Variants in CASZ1 observed in about 807,000 individuals in gnomAD.
CASZ1 encodes the protein castor zinc finger 1, also known as zinc finger protein castor homolog 1.
A neutral mutation model predicts 135.2 loss-of-function variants in CASZ1; 28 were observed. The ratio of observed to expected loss-of-function variants is 0.21; its 90% CI spans 0.15 to 0.28. CASZ1 has a LOEUF of 0.28. CASZ1 is among the 10% of genes least tolerant of loss of function. The pLI is 1.00. For synonymous variants in CASZ1, 1,068 were observed against 1,073.4 expected, an observed-to-expected ratio of 0.99 and a Z score of 0.10; for missense variants, 2,161 against 2,453.3, an observed-to-expected ratio of 0.88 and a Z score of 2.52.
chr1:10,709,563 A>G lies in CASZ1; in HGVS notation c.-76-4019T>C, dbSNP rs879328485. ...TTTCTGCCTCAAATTTGATTGATTAAAAAACTTTTTAGGAAAAGCATGTTA... is the reference window on the plus strand; with the variant it reads ...TTTCTGCCTCAAATTTGATTGATTAGAAAACTTTTTAGGAAAAGCATGTTA... On this transcript the variant is annotated intron_variant, in intron 2 of 20. Transcript: ENST00000377022. The surrounding 1 kb of genome is among the most constrained non-coding windows in gnomAD (Gnocchi z 5.1). Among the ~76,000 whole-genome samples the G allele has an allele frequency of 5.9e-5, 9 of 152,348 alleles. No homozygotes were observed. Among genetic ancestry groups the G allele is most frequent in the Non-Finnish European group, 1.3e-4 (9 of 68,022 alleles).
intron 2 of CASZ1, among the ~76,000 whole-genome samples, chr1:10,744,400 C>CAGTCCCA (rs1640000059): frequency 8.0e-6 from 1 of 125,300 alleles, no homozygotes; most frequent in Non-Finnish European, 1.7e-5. Context: ...CTGGGCACCA[C>CAGTCCCA]GAGCAGGCAT....
Position 10,786,449 on chromosome 1 carries a change from C to T in CASZ1, c.-234+10115G>A, listed in dbSNP as rs187622302. Among the ~76,000 whole-genome samples, 1,076 of 152,178 alleles carry T rather than the reference C, an allele frequency of 7.1e-3. 7 individuals carry two copies. Among genetic ancestry groups the T allele is most frequent in the Non-Finnish European group, 0.012 (815 of 67,972 alleles). ...GCACCACGTCACCCTGCACTAGGGG[C>T]CCAGCTCCAGACAGACAGAGAGCAA... On this transcript the variant is annotated intron_variant, in intron 1 of 20. Transcript: ENST00000377022.
chr1:10,642,786 C>T, intron 20 of CASZ1, 73 bp downstream of exon 20: 1 of 1,545,534 alleles, frequency 6.5e-7, no homozygotes, highest in Non-Finnish European at 8.8e-7. Flanking sequence ...CCTTCTGTCC[C>T]AAGCTGCACC....
At chr1:10,648,920 G>T (rs974871624) in intron 15 of CASZ1, 150 bp downstream of exon 15, 2 of 1,088,830 alleles carry the variant, frequency 1.8e-6, no homozygotes, top group African/African-American at 3.1e-5. Context: ...AGGATGGGAA[G>T]CCCACCCTTG....
intron 5 of CASZ1, 120 bp downstream of exon 5, chr1:10,664,963 T>C: frequency 8.5e-7 from 1 of 1,179,066 alleles, no homozygotes; most frequent in Middle Eastern, 3.0e-4. Flanking sequence ...CTGGGTGGGA[T>C]GAGGGGCCGG....
Position 10,647,365 on chromosome 1 carries a change from CTGGAGGGGCCTG to C in CASZ1, c.3497+424_3497+435del, listed in dbSNP as rs1642392118. The C allele has an allele frequency of 8.6e-6, 9 of 1,052,566 alleles. No homozygotes were observed. The South Asian group carries it at 2.9e-4, about 34-fold the overall frequency. 65.2% of individuals were successfully genotyped at this position (1,052,566 alleles called of 1,614,324 possible). ...GACCACTGTGCAGGCCAGTGACGGC[CTGGAGGGGCCTG>C]GCCCCTACCCGTGACTTCACGTGCC... is the stretch of plus-strand genomic sequence containing the variant. On this transcript the variant is annotated intron_variant, in intron 16 of 20. Transcript: ENST00000377022. The surrounding 1 kb of genome is among the most constrained non-coding windows in gnomAD (Gnocchi z 4.9).
In CASZ1 at chr1:10,689,834, A is replaced by G. The variant is rs980555589; in HGVS notation, c.16+4040T>C. ...CAAGTTGGGAGTCAGACAGCTGAAG[A>G]TCTTAAAGGTCATCTGATGCTCAAG... On this transcript the variant is annotated intron_variant, in intron 4 of 20. Coordinates refer to ENST00000377022, the MANE Select transcript of CASZ1 (RefSeq NM_001079843.3). Among the ~76,000 whole-genome samples the G allele has an allele frequency of 2.6e-5, 4 of 152,224 alleles. No individual in the cohort carries two copies. In the East Asian group the frequency reaches 7.7e-4, roughly 29 times the overall value.
chr1:10,747,196 C>T lies in CASZ1; in HGVS notation c.-77+13505G>A, dbSNP rs559189459. 6.6e-6 allele frequency among the ~76,000 whole-genome samples: 1 copy of T among 151,964 alleles called. No homozygotes were observed. The highest frequency in any genetic ancestry group is 2.1e-4 in the South Asian group (1 of 4,832). On this transcript the variant is annotated intron_variant, in intron 2 of 20. Transcript: ENST00000377022. This position sits in a 1 kb window ranked among gnomAD's most constrained non-coding sequence, Gnocchi z 4.3. ...CCCCCATACCCTCTGAGCCTCTGGC[C>T]CTTGGAGACATAGGCCACCTGAGAC...
chr1:10,749,492 C>T (rs1640109757), intron 2 of CASZ1, among the ~76,000 whole-genome samples: 1 of 152,110 alleles, frequency 6.6e-6, no homozygotes, highest in Non-Finnish European at 1.5e-5. Context: ...TGTGATCCAC[C>T]CACCTCGGCC....
rs758094900 is a variant in CASZ1, at chr1:10,665,358, G to A, written c.230C>T (p.Pro77Leu). The A allele has an allele frequency of 1.1e-5, 17 of 1,611,478 alleles. No homozygotes were observed. The highest frequency in any genetic ancestry group is 1.6e-4 in the Middle Eastern group (1 of 6,072). Residue 77 changes from proline (P) to leucine (L), a missense_variant, in exon 5 of 21, where the codon CCC (proline) becomes CTC (leucine). Physicochemically the swap from Pro to Leu is moderately conservative, Grantham distance 98. Coordinates refer to ENST00000377022, the MANE Select transcript of CASZ1 (RefSeq NM_001079843.3). ...CCGTCTCTTGTCTTCCTCGCTGCGG[G>A]GGGCCCGGGCTGCCCCAGACTCAGG... The part of the protein sequence containing the change: ...SGPESGAARA[P>L]RSEEDKRRAV...
chr1:10,722,103 G>A (rs762799970), intron 2 of CASZ1, among the ~76,000 whole-genome samples: 17 of 152,178 alleles, frequency 1.1e-4, no homozygotes, highest in South Asian at 2.1e-4. Context: ...TCTTGGCCCC[G>A]CCCCTTCGCA....
Position 10,655,725 on chromosome 1 carries a change from C to T in CASZ1, c.1589G>A (p.Ser530Asn). 1 of 1,614,200 alleles carries T rather than the reference C, an allele frequency of 6.2e-7. No individual in the cohort carries two copies. Among genetic ancestry groups the T allele is most frequent in the Non-Finnish European group, 8.5e-7 (1 of 1,179,994 alleles). Reference protein sequence around the residue: ...NSLQHGFMRFSPLDDCSVYYH... With the variant: ...NSLQHGFMRFNPLDDCSVYYH... ...GTAGACGCTGCAGTCGTCCAGCGGG[C>T]TGAAACGCATGAAGCCGTGCTGCAG... Residue 530 changes from serine to asparagine, a missense_variant, in exon 9 of 21, where the codon AGC (serine) becomes AAC (asparagine). Physicochemically the swap from Ser to Asn is conservative, Grantham distance 46. This residue lies in a region of CASZ1 where 248 missense variants were observed against 410.8 expected (regional missense o/e 0.60). Coordinates refer to ENST00000377022, the MANE Select transcript of CASZ1 (RefSeq NM_001079843.3).
chr1:10,653,725 G>T lies in CASZ1; in HGVS notation c.2332C>A (p.Gln778Lys), dbSNP rs567963675. 1.1e-5 allele frequency: 17 copies of T among 1,604,962 alleles called. No homozygotes were observed. Among genetic ancestry groups the T allele is most frequent in the Non-Finnish European group, 1.4e-5 (17 of 1,175,506 alleles). ...PNSKISGLLP[Q>K]GLPGSIPLAL... ...AGGGGGATTGAGCCAGGCAGGCCCT[G>T]GGGCAGCAGCCCCGAGATCTTGCTG... Residue 778 changes from glutamine (Q) to lysine (K), a missense_variant, in exon 11 of 21, where the codon CAG (glutamine) becomes AAG (lysine). Transcript: ENST00000377022.
At position 10,648,043 on chromosome 1, in the gene CASZ1, C is replaced by T. The variant is rs556583908; in HGVS notation, c.3255G>A (p.Ser1085=). ...TGGTGACAGGAGGGACCGGAGGGGA[C>T]GAGGGGGCCATGGGAGGTTTGGTCT... is the stretch of plus-strand genomic sequence containing the variant. ...AAETKPPMAP[S]SPPVPPVTTA... Residue 1085 remains serine, a synonymous_variant, in exon 16 of 21, where the codon TCG becomes TCA. Transcript: ENST00000377022. The T allele has an allele frequency of 7.1e-5, 113 of 1,598,558 alleles. 1 individual carries two copies. In the East Asian group the frequency reaches 1.4e-3, roughly 20 times the overall value.
chr1:10,744,732 G>A lies in CASZ1; in HGVS notation c.-77+15969C>T, dbSNP rs1003743591. Among the ~76,000 whole-genome samples the A allele has an allele frequency of 1.5e-4, 10 of 65,152 alleles. 4 individuals are homozygous for A. The highest frequency in any genetic ancestry group is 7.0e-4 in the African/African-American group (5 of 7,192). 42.7% of individuals were successfully genotyped at this position (65,152 alleles called of 152,430 possible). Reference sequence around the variant, plus strand: ...CACCACGAGCAGGCATGTCCTGGGCGACAGGGGAACACAGTCCCAGATGGG... The same window carrying A: ...CACCACGAGCAGGCATGTCCTGGGCAACAGGGGAACACAGTCCCAGATGGG... On this transcript the variant is annotated intron_variant, in intron 2 of 20. Transcript: ENST00000377022.
chr1:10,659,283 T>C (rs554403786), intron 6 of CASZ1, among the ~76,000 whole-genome samples: 2 of 152,158 alleles, frequency 1.3e-5, no homozygotes, highest in Non-Finnish European at 2.9e-5. Context: ...TCAGCACCCA[T>C]GGCAGCAGGT....
rs772031284 is a variant in CASZ1 at position 10,653,732 on chromosome 1, C to T, written c.2325G>A (p.Leu775=). ...TKPPNSKISG[L]LPQGLPGSIP... ...TTGAGCCAGGCAGGCCCTGGGGCAG[C>T]AGCCCCGAGATCTTGCTGTTGGGAG... The change falls in exon 11 of 21, where the codon CTG becomes CTA. Residue 775 remains leucine (L), a synonymous_variant. Coordinates refer to ENST00000377022, the MANE Select transcript of CASZ1 (RefSeq NM_001079843.3). The T allele has an allele frequency of 4.4e-6, 7 of 1,606,244 alleles. No homozygotes were observed. The South Asian group carries it at 7.8e-5, about 18-fold the overall frequency.
intron 14 of CASZ1, 45 bp downstream of exon 14, chr1:10,649,238 C>A (rs367599724): frequency 1.9e-6 from 3 of 1,608,466 alleles, no homozygotes; most frequent in African/African-American, 2.7e-5. Context: ...GGCTCCAGGG[C>A]GGGTGCGGGG....
At chr1:10,689,044 A>G (rs1363131270) in intron 4 of CASZ1, among the ~76,000 whole-genome samples, 1 of 152,206 alleles carries the variant, frequency 6.6e-6, no homozygotes, top group Admixed American at 6.5e-5. Context: ...CAGGGTGTAA[A>G]AATCAGCTCA....
Sources: gnomAD v4.1 joint callset for allele counts (sites outside exome capture counted in the v4.1 genomes callset) on GRCh38, gnomAD v4.1.1 for gene constraint, gnomAD v4.1.1 regional missense constraint, Gnocchi (gnomAD v3.1) non-coding constraint, MANE v1.5 for transcripts, NCBI Gene and HGNC (gene_info 2026-07-23, HGNC 2026-07-21) for gene names.